The following ADARB2 variants were observed in gnomAD, a reference collection of about 807,000 sequenced individuals.
ADARB2 encodes inactive double-stranded RNA-specific editase B2.
ADARB2 carries 25 observed loss-of-function variants against 62.2 expected under a neutral mutation model. The observed-to-expected ratio is 0.40, with a 90% CI of 0.29 to 0.56. The LOEUF (loss-of-function observed/expected upper bound fraction) is 0.56. ADARB2 is among the 20% of genes least tolerant of loss of function. The probability of loss-of-function intolerance (pLI) is 0.43; values close to 1 mark genes in which losing one functional copy is unlikely to be tolerated. For synonymous variants in ADARB2, 572 were observed against 500.8 expected (o/e 1.14, Z -1.90); for missense variants, 1,071 against 1,077.4 (o/e 0.99, Z 0.08).
At chr10:1,674,877 G>C (rs1467789212) in intron 1 of ADARB2, among the ~76,000 whole-genome samples, 4 of 152,210 alleles carry the variant, frequency 2.6e-5, no homozygotes, top group Non-Finnish European at 2.9e-5. Flanking sequence ...CAGGAGGTTT[G>C]GGTTCAAGGA....
intron 3 of ADARB2, among the ~76,000 whole-genome samples, chr10:1,331,417 A>G (rs1831926602): frequency 2.6e-5 from 4 of 152,358 alleles, no homozygotes; most frequent in Admixed American, 2.6e-4. Flanking sequence ...GTGGAATATT[A>G]CTCAGCTATA....
At chr10:1,370,887 C>T (rs570062060) in intron 2 of ADARB2, among the ~76,000 whole-genome samples, 4 of 152,296 alleles carry the variant, frequency 2.6e-5, no homozygotes, top group African/African-American at 7.2e-5. Flanking sequence ...CTAAAGCAGT[C>T]GGCAGATTCA....
At chr10:1,662,089 C>T (rs1477217799) in intron 1 of ADARB2, among the ~76,000 whole-genome samples, 3 of 152,132 alleles carry the variant, frequency 2.0e-5, no homozygotes, top group East Asian at 1.9e-4. Flanking sequence ...TACTTTTCAG[C>T]GTTGAAGGTG....
intron 1 of ADARB2, among the ~76,000 whole-genome samples, chr10:1,538,281 C>T (rs1285778505): frequency 2.6e-5 from 4 of 152,172 alleles, no homozygotes; most frequent in African/African-American, 4.8e-5. Context: ...GGAGGGAGCC[C>T]GTGGGTCTGT....
At chr10:1,244,205 C>T (rs183597916) in intron 4 of ADARB2, among the ~76,000 whole-genome samples, 3 of 152,334 alleles carry the variant, frequency 2.0e-5, no homozygotes, top group East Asian at 1.9e-4. Flanking sequence ...TCACTCAGGC[C>T]GTCAGTGACA....
At chr10:1,638,075 A>G (rs1391351290) in intron 1 of ADARB2, among the ~76,000 whole-genome samples, 1 of 152,200 alleles carries the variant, frequency 6.6e-6, no homozygotes, top group Non-Finnish European at 1.5e-5. Flanking sequence ...GAAACTTGGC[A>G]ATAATGAAAG....
intron 1 of ADARB2, among the ~76,000 whole-genome samples, chr10:1,431,608 A>G (rs1033435172): frequency 6.6e-6 from 1 of 152,170 alleles, no homozygotes; most frequent in African/African-American, 2.4e-5. Context: ...AAGAATAAAG[A>G]TGAGAGAAGA....
At position 1,477,921 on chromosome 10, in the gene ADARB2, G is replaced by A. The variant is rs1445754749; in HGVS notation, c.101-98761C>T. Among the ~76,000 whole-genome samples the A allele has an allele frequency of 6.6e-6, 1 of 152,204 alleles. No homozygotes were observed. The highest frequency in any genetic ancestry group is 1.5e-5 in the Non-Finnish European group (1 of 68,028). On this transcript the variant is annotated intron_variant, in intron 1 of 9. Transcript: ENST00000381312. This position sits in a 1 kb window ranked among gnomAD's most constrained non-coding sequence, Gnocchi z 4.5. ...GCCCTGACATGCATCCCAGGGAAGA[G>A]CCCCTCTGCTGGAGGACTAAGAGGG...
intron 1 of ADARB2, among the ~76,000 whole-genome samples, chr10:1,634,928 T>C (rs920888709): frequency 6.6e-6 from 1 of 152,222 alleles, no homozygotes; most frequent in African/African-American, 2.4e-5. Context: ...TTCTAGTCGA[T>C]TCTTGGTCAC....
chr10:1,631,430 C>T (rs1032544025), intron 1 of ADARB2, among the ~76,000 whole-genome samples: 2 of 152,184 alleles, frequency 1.3e-5, no homozygotes, highest in African/African-American at 2.4e-5. Context: ...GGGCTCAGGG[C>T]CAGCTGGTGT....
intron 1 of ADARB2, among the ~76,000 whole-genome samples, chr10:1,537,008 C>T (rs1205847315): frequency 6.6e-6 from 1 of 152,178 alleles, no homozygotes; most frequent in East Asian, 1.9e-4. Context: ...AAGAAACTAT[C>T]CTCAGAGTGA....
At position 1,479,944 on chromosome 10, in the gene ADARB2, G is replaced by A. The variant is rs527733461; in HGVS notation, c.101-100784C>T. On this transcript the variant is annotated intron_variant, in intron 1 of 9. Coordinates refer to ENST00000381312, the MANE Select transcript of ADARB2 (RefSeq NM_018702.4). ...CTCCATAGACGTGCTTTACTCCATT[G>A]CATTTTGGATTATGCACCCAAATGA... 9.9e-5 allele frequency among the ~76,000 whole-genome samples: 15 copies of A among 152,184 alleles called. No homozygotes were observed. In the South Asian group the frequency reaches 3.1e-3, roughly 32 times the overall value.
At chr10:1,418,326 T>G (rs773387849) in intron 1 of ADARB2, among the ~76,000 whole-genome samples, 35 of 152,216 alleles carry the variant, frequency 2.3e-4, no homozygotes, top group Non-Finnish European at 4.7e-4. Flanking sequence ...AGCTTTAAGA[T>G]GCAGCGGGGA....
At chr10:1,268,738 T>C (rs1034014837) in intron 4 of ADARB2, among the ~76,000 whole-genome samples, 1 of 152,234 alleles carries the variant, frequency 6.6e-6, no homozygotes, top group Non-Finnish European at 1.5e-5. Flanking sequence ...GGAAAGTAAA[T>C]TTAAGCAAGT....
Position 1,181,547 on chromosome 10 carries a change from A to G in ADARB2, c.*1646T>C, listed in dbSNP as rs564017107. 6.6e-6 allele frequency: 1 copy of G among 152,338 alleles called. No homozygotes were observed. The highest frequency in any genetic ancestry group is 2.1e-4 in the South Asian group (1 of 4,830). The allele number at this position is 152,338 out of a possible 1,614,324, so 9.4% of individuals were successfully genotyped here. On this transcript the variant is annotated 3_prime_UTR_variant, in exon 10 of 10. Transcript: ENST00000381312. Reference sequence around the variant, plus strand: ...TCCCAGGAAAAGTTTCTTTTTCCATACTAATATCTCTACTTCTTATTATCT... The same window carrying G: ...TCCCAGGAAAAGTTTCTTTTTCCATGCTAATATCTCTACTTCTTATTATCT...
intron 1 of ADARB2, among the ~76,000 whole-genome samples, chr10:1,719,263 C>G (rs912395407): frequency 2.6e-5 from 4 of 152,100 alleles, no homozygotes; most frequent in Non-Finnish European, 5.9e-5. Context: ...CATGCCTGGC[C>G]CACCTTTACC....
chr10:1,647,913 C>A (rs895410831), intron 1 of ADARB2, among the ~76,000 whole-genome samples: 1 of 151,800 alleles, frequency 6.6e-6, no homozygotes, highest in Non-Finnish European at 1.5e-5. Flanking sequence ...ATTATATATA[C>A]AATTTTTAAA....
At chr10:1,508,503 G>A (rs1347513388) in intron 1 of ADARB2, among the ~76,000 whole-genome samples, 2 of 152,166 alleles carry the variant, frequency 1.3e-5, no homozygotes, top group Admixed American at 1.3e-4. Flanking sequence ...GTGTTAGCTG[G>A]GCACAGTGGC....
At chr10:1,647,681 CAT>C (rs1401203366) in intron 1 of ADARB2, among the ~76,000 whole-genome samples, 1 of 150,358 alleles carries the variant, frequency 6.7e-6, no homozygotes, top group Non-Finnish European at 1.5e-5. Context: ...TGTGTGTATA[CAT>C]GTGTGTATGT....
Sources: allele counts gnomAD v4.1 joint callset (sites outside exome capture counted in the v4.1 genomes callset), GRCh38; gene constraint gnomAD v4.1.1; non-coding constraint Gnocchi (gnomAD v3.1); transcripts MANE v1.5; gene names NCBI Gene and HGNC (gene_info 2026-07-23, HGNC 2026-07-21).